Variants in CDH26 observed in about 807,000 individuals in gnomAD.
The protein encoded by CDH26 is cadherin-like protein 26.
CDH26 carries 83 observed loss-of-function variants against 90.3 expected under a neutral mutation model. The ratio of observed to expected loss-of-function variants is 0.92; its 90% CI spans 0.77 to 1.10. The LOEUF is 1.10. Among genes scored for constraint, CDH26 ranks in the 50% least tolerant of loss-of-function variants. The pLI is 0.00. For missense variants in CDH26, 1,013 were observed against 1,037.6 expected (o/e 0.98, Z 0.33); for synonymous variants, 397 against 396.3 (o/e 1.00, Z -0.02).
rs1345456748 is a variant in CDH26, at chr20:59,987,445, T to G, written c.838-8T>G. ...CCATGACATGGACATGATGATTGCT[T>G]CTTTCAGTATAAGGTTCAGATTCCT... is the stretch of plus-strand genomic sequence containing the variant. On this transcript the variant is annotated splice_polypyrimidine_tract_variant and splice_region_variant and intron_variant, in intron 7 of 17. Coordinates refer to ENST00000348616, the MANE Select transcript of CDH26 (RefSeq NM_177980.4). 1 of 1,602,538 alleles carries G rather than the reference T, an allele frequency of 6.2e-7. No homozygotes were observed. Among genetic ancestry groups the G allele is most frequent in the Non-Finnish European group, 8.5e-7 (1 of 1,175,244 alleles).
intron 13 of CDH26, among the ~76,000 whole-genome samples, chr20:59,998,884 C>T (rs1451700980): frequency 2.0e-5 from 3 of 152,202 alleles, no homozygotes; most frequent in African/African-American, 7.2e-5. Flanking sequence ...CTGATTATAT[C>T]TCTGTAACCT....
chr20:59,972,154 G>A (rs915918788), intron 4 of CDH26, 31 bp downstream of exon 4: 2 of 1,598,254 alleles, frequency 1.3e-6, no homozygotes, highest in Non-Finnish European at 1.7e-6. Context: ...TCTAAGCTCG[G>A]ATTTAAAAGC....
intron 14 of CDH26, 142 bp from the exon 15 acceptor site, chr20:60,001,201 G>T (rs894555183): frequency 3.3e-6 from 3 of 903,642 alleles, no homozygotes; most frequent in Non-Finnish European, 5.1e-6. Flanking sequence ...CTCCCACCGC[G>T]CCCTCCCTCT....
At chr20:59,981,025 C>G (rs546508575) in intron 4 of CDH26, among the ~76,000 whole-genome samples, 1 of 152,006 alleles carries the variant, frequency 6.6e-6, no homozygotes, top group Admixed American at 6.6e-5. Context: ...GTATTATTCT[C>G]AAAAATCAAT....
rs754182983 is a variant in CDH26, at chr20:59,970,102, A to G, written c.147A>G (p.Leu49=). The change falls in exon 3 of 18, where the codon CTA becomes CTG. Residue 49 remains leucine, a synonymous_variant. Transcript: ENST00000348616. The part of the protein sequence containing the change: ...KQTKEKIYQP[L]RRSKRRWVIT... ...TCCAGGAAAAGATCTACCAGCCTCT[A>G]CGGCGATCCAAGAGAAGATGGGTTA... is the stretch of plus-strand genomic sequence containing the variant. 1.2e-6 allele frequency: 2 copies of G among 1,613,940 alleles called. No homozygotes were observed. The highest frequency in any genetic ancestry group is 1.7e-6 in the Non-Finnish European group (2 of 1,179,898).
At chr20:60,009,840 T>C (rs195009) in intron 17 of CDH26, among the ~76,000 whole-genome samples, 30,783 of 152,046 alleles carry the variant, frequency 0.2, 7,119 homozygotes, top group African/African-American at 0.57. Context: ...ACACCAGGTC[T>C]GTCGCTAATT....
At chr20:60,022,477 A>C (rs1312678336) in intron 7 of CDH26, among the ~76,000 whole-genome samples, 2 of 152,190 alleles carry the variant, frequency 1.3e-5, no homozygotes, top group East Asian at 3.9e-4. Context: ...GCTTACTTTT[A>C]TGATTTACTA....
At chr20:59,977,736 A>G (rs976125567) in intron 4 of CDH26, among the ~76,000 whole-genome samples, 4 of 146,368 alleles carry the variant, frequency 2.7e-5, no homozygotes, top group South Asian at 2.1e-4. Context: ...GCTATAATGT[A>G]TGTGCTACAT....
At chr20:60,005,651 A>T (rs1384935797) in intron 16 of CDH26, among the ~76,000 whole-genome samples, 1 of 152,186 alleles carries the variant, frequency 6.6e-6, no homozygotes, top group Admixed American at 6.5e-5. Flanking sequence ...GCCACCAGTG[A>T]TTAAAAACAC....
At chr20:60,025,976 C>T (rs2061993590) in intron 7 of CDH26, among the ~76,000 whole-genome samples, 1 of 152,172 alleles carries the variant, frequency 6.6e-6, no homozygotes, top group Non-Finnish European at 1.5e-5. Context: ...ATGTGCTGGA[C>T]ACTATTTCAT....
At position 60,024,642 on chromosome 20, in the gene CDH26, C is replaced by T. The variant is rs2061982409; in HGVS notation, c.948-6589C>T. On this transcript the variant is annotated intron_variant, in intron 7 of 8. Coordinates refer to the CDH26 transcript ENST00000370991. ...TGGATGGAATTTTGCAGATGTATCT[C>T]TTGGGGGCAAGAGATGAGCATGTTC... Among the ~76,000 whole-genome samples the T allele has an allele frequency of 2.0e-5, 3 of 152,148 alleles. No individual in the cohort carries two copies. In the South Asian group the frequency reaches 6.2e-4, roughly 32 times the overall value.
intron 7 of CDH26, among the ~76,000 whole-genome samples, chr20:59,985,371 G>T (rs2061444144): frequency 6.6e-6 from 1 of 152,170 alleles, no homozygotes; most frequent in Non-Finnish European, 1.5e-5. Flanking sequence ...TATGATCATG[G>T]CGGAAGGACG....
intron 9 of CDH26, among the ~76,000 whole-genome samples, chr20:59,991,578 A>G (rs150197934): frequency 4.6e-5 from 7 of 152,294 alleles, no homozygotes; most frequent in African/African-American, 1.7e-4. Context: ...AGTGCACAAA[A>G]AGCTTCAATC....
At chr20:60,007,762 A>T (rs2061772992) in intron 17 of CDH26, among the ~76,000 whole-genome samples, 1 of 151,584 alleles carries the variant, frequency 6.6e-6, no homozygotes, top group Non-Finnish European at 1.5e-5. Flanking sequence ...TCCCATCTGG[A>T]CCAGATCCTG....
intron 12 of CDH26, 36 bp downstream of exon 12, chr20:59,996,090 T>C: frequency 6.3e-7 from 1 of 1,592,336 alleles, no homozygotes; most frequent in Non-Finnish European, 8.6e-7. Context: ...GGACTGTGGC[T>C]CCTCTCCCCA....
At chr20:59,974,891 T>C (rs893451212) in intron 4 of CDH26, among the ~76,000 whole-genome samples, 3 of 152,114 alleles carry the variant, frequency 2.0e-5, no homozygotes, top group Non-Finnish European at 4.4e-5. Context: ...ATAGTTGATC[T>C]CCTCCATTAG....
At chr20:59,988,264 A>C (rs1232561058) in intron 8 of CDH26, among the ~76,000 whole-genome samples, 1 of 152,160 alleles carries the variant, frequency 6.6e-6, no homozygotes, top group South Asian at 2.1e-4. Flanking sequence ...CAGTGCCTCT[A>C]GTCTTCATTG....
Position 59,995,866 on chromosome 20 carries a change from T to G in CDH26, c.1700T>G (p.Leu567Arg), listed in dbSNP as rs2061587517. The G allele has an allele frequency of 1.2e-6, 2 of 1,614,132 alleles. No homozygotes were observed. Among genetic ancestry groups the G allele is most frequent in the Non-Finnish European group, 1.7e-6 (2 of 1,180,042 alleles). Reference protein sequence around the residue: ...QSVELLTLRSLPRGNYLVPLF... With the variant: ...QSVELLTLRSRPRGNYLVPLF... The stretch of plus-strand genomic sequence containing the variant: ...GTTGAACTTTTAACCTTGAGAAGCC[T>G]GCCACGTGGTAATTACTTGGTGCCA... The change falls in exon 12 of 18, where the codon CTG becomes CGG. Residue 567 changes from leucine (L) to arginine (R), a missense_variant. Coordinates refer to ENST00000348616, the MANE Select transcript of CDH26 (RefSeq NM_177980.4).
chr20:60,035,866 G>T (rs888252442), downstream of CDH26, among the ~76,000 whole-genome samples: 1 of 151,888 alleles, frequency 6.6e-6, no homozygotes, highest in African/African-American at 2.4e-5. Flanking sequence ...CGCCATGATT[G>T]TAAGTTTCCC....
Sources: gnomAD v4.1 joint callset for allele counts (sites outside exome capture counted in the v4.1 genomes callset) on GRCh38, gnomAD v4.1.1 for gene constraint, MANE v1.5 for transcripts, NCBI Gene and HGNC (gene_info 2026-07-23, HGNC 2026-07-21) for gene names.